CHSY3: variants seen among roughly 807,000 people sequenced by gnomAD.
CHSY3 encodes chondroitin sulfate synthase 3.
CHSY3 carries 35 observed loss-of-function variants against 67.2 expected under a neutral mutation model. The observed-to-expected ratio is 0.52, with a 90% confidence interval of 0.40 to 0.69. CHSY3 has a LOEUF of 0.69. Among genes scored for constraint, CHSY3 ranks in the 30% least tolerant of loss-of-function variants. The probability of loss-of-function intolerance (pLI) is 0.00; values close to 1 mark genes in which losing one functional copy is unlikely to be tolerated. For synonymous variants in CHSY3, 474 were observed against 434.7 expected (o/e 1.09, Z -1.12); for missense variants, 1,069 against 1,138.5 (o/e 0.94, Z 0.88).
chr5:130,178,621 T>C (rs1770153189), intron 2 of CHSY3, among the ~76,000 whole-genome samples: 1 of 152,136 alleles, frequency 6.6e-6, no homozygotes, highest in South Asian at 2.1e-4. Flanking sequence ...ATACATTTTT[T>C]TGTCTTCTTC....
At chr5:130,064,218 A>G (rs533394053) in intron 2 of CHSY3, among the ~76,000 whole-genome samples, 13 of 152,060 alleles carry the variant, frequency 8.5e-5, no homozygotes, top group South Asian at 2.1e-4. Context: ...CCCAACTAAT[A>G]TATTATTAGT....
At chr5:129,990,228 CT>C (rs1247620923) in intron 2 of CHSY3, among the ~76,000 whole-genome samples, 1 of 151,846 alleles carries the variant, frequency 6.6e-6, no homozygotes. Flanking sequence ...GTAGCAAATC[CT>C]TAAATTAATC....
At chr5:129,993,774 G>C (rs1763442414) in intron 2 of CHSY3, among the ~76,000 whole-genome samples, 3 of 151,834 alleles carry the variant, frequency 2.0e-5, no homozygotes, top group African/African-American at 7.2e-5. Context: ...TGGTTATTTT[G>C]CTCGTTAGTT....
intron 2 of CHSY3, among the ~76,000 whole-genome samples, chr5:130,078,487 C>A (rs1766342396): frequency 6.6e-6 from 1 of 152,050 alleles, no homozygotes; most frequent in Non-Finnish European, 1.5e-5. Context: ...TTTTTGGAAT[C>A]ATTTTTAAAA....
At chr5:129,906,752 G>T (rs1285464310) in intron 1 of CHSY3, among the ~76,000 whole-genome samples, 1 of 152,204 alleles carries the variant, frequency 6.6e-6, no homozygotes, top group Admixed American at 6.5e-5. Context: ...CGGTCAAAGG[G>T]GGGCAGCCCT....
intron 2 of CHSY3, among the ~76,000 whole-genome samples, chr5:130,077,217 T>A (rs527655603): frequency 6.6e-6 from 1 of 152,144 alleles, no homozygotes; most frequent in Admixed American, 6.6e-5. Flanking sequence ...CCAGAAGAAG[T>A]ATGAGGCCTG....
intron 2 of CHSY3, among the ~76,000 whole-genome samples, chr5:130,050,761 C>A (rs1368493271): frequency 6.6e-6 from 1 of 152,058 alleles, no homozygotes; most frequent in African/African-American, 2.4e-5. Context: ...TATGGGTACT[C>A]ATCTACGCAT....
intron 2 of CHSY3, among the ~76,000 whole-genome samples, chr5:130,106,759 T>C (rs1767424045): frequency 6.6e-6 from 1 of 151,554 alleles, no homozygotes; most frequent in South Asian, 2.1e-4. Context: ...GTTCTAGAAG[T>C]CATTATACCT....
chr5:129,974,977 C>G (rs1762757433), intron 2 of CHSY3: 1 of 151,818 alleles, frequency 6.6e-6, no homozygotes, highest in Non-Finnish European at 1.5e-5. Flanking sequence ...TACGCAAGGA[C>G]AAAAACCCAA....
intron 2 of CHSY3, among the ~76,000 whole-genome samples, chr5:130,027,719 G>T (rs35881839): frequency 6.6e-6 from 1 of 151,794 alleles, no homozygotes; most frequent in East Asian, 1.9e-4. Context: ...AGAACATGCG[G>T]TGTTGCGTTT....
intron 1 of CHSY3, among the ~76,000 whole-genome samples, chr5:129,906,175 AC>A (rs1760287449): frequency 6.6e-6 from 1 of 151,540 alleles, no homozygotes; most frequent in Non-Finnish European, 1.5e-5. Context: ...GCTGTCCCGG[AC>A]CCTTTCCTAT....
intron 2 of CHSY3, chr5:130,141,204 A>T (rs1203550886): frequency 8.4e-6 from 4 of 476,642 alleles, no homozygotes; most frequent in African/African-American, 2.0e-5. Context: ...CTGCTCTTGG[A>T]TGTCAACTCC....
At chr5:129,915,314 A>G (rs1760698020) in intron 2 of CHSY3, among the ~76,000 whole-genome samples, 1 of 152,162 alleles carries the variant, frequency 6.6e-6, no homozygotes, top group Admixed American at 6.6e-5. Flanking sequence ...AGTTCTTCAC[A>G]ATTCTAATGT....
chr5:129,976,925 T>C (rs1762826950), intron 2 of CHSY3, among the ~76,000 whole-genome samples: 1 of 150,838 alleles, frequency 6.6e-6, no homozygotes, highest in South Asian at 2.1e-4. Flanking sequence ...TATATATATA[T>C]ATATATATGA....
intron 2 of CHSY3, among the ~76,000 whole-genome samples, chr5:130,088,755 C>A (rs1169807596): frequency 6.6e-6 from 1 of 152,084 alleles, no homozygotes; most frequent in Non-Finnish European, 1.5e-5. Context: ...GAAATAGGAA[C>A]ACTTTTACAT....
intron 2 of CHSY3, among the ~76,000 whole-genome samples, chr5:129,928,968 T>C (rs1477949375): frequency 6.6e-6 from 1 of 152,174 alleles, no homozygotes; most frequent in Non-Finnish European, 1.5e-5. Context: ...TGCTTTGAGC[T>C]CTGGCTTATT....
chr5:130,125,242 C>T (rs1768228817), intron 2 of CHSY3, among the ~76,000 whole-genome samples: 1 of 152,108 alleles, frequency 6.6e-6, no homozygotes, highest in African/African-American at 2.4e-5. Flanking sequence ...CAGATTGAGT[C>T]CTCATCTCTC....
intron 2 of CHSY3, among the ~76,000 whole-genome samples, chr5:130,138,124 A>G (rs1341521556): frequency 1.3e-5 from 2 of 152,204 alleles, no homozygotes; most frequent in Admixed American, 6.5e-5. Context: ...AGACATAGCA[A>G]TTTTGTAACT....
At chr5:130,023,778 T>C (rs1397652194) in intron 2 of CHSY3, among the ~76,000 whole-genome samples, 2 of 152,012 alleles carry the variant, frequency 1.3e-5, no homozygotes. Flanking sequence ...TCTGTTTTTT[T>C]TGGTCTCATG....
Sources: gnomAD v4.1 joint callset for allele counts (sites outside exome capture counted in the v4.1 genomes callset) on GRCh38, gnomAD v4.1.1 for gene constraint, MANE v1.5 for transcripts, NCBI Gene and HGNC (gene_info 2026-07-23, HGNC 2026-07-21) for gene names.